Variants in ABHD5 observed in about 807,000 individuals in gnomAD.
The protein encoded by ABHD5 is abhydrolase domain containing 5, lysophosphatidic acid acyltransferase, also known as 1-acylglycerol-3-phosphate O-acyltransferase ABHD5.
A neutral mutation model predicts 44.9 loss-of-function variants in ABHD5; 30 were observed. That is an observed-to-expected ratio of 0.67 (90% CI 0.50 to 0.91). The LOEUF (loss-of-function observed/expected upper bound fraction) is 0.91. Ranked by LOEUF, ABHD5 falls within the 40% of genes least tolerant of loss-of-function variation. ABHD5 has a pLI of 0.00. For missense variants in ABHD5, 399 were observed against 423.4 expected, an observed-to-expected ratio of 0.94 and a Z score of 0.50; for synonymous variants, 167 against 147.0, an observed-to-expected ratio of 1.14 and a Z score of -0.99.
At chr3:43,702,110 T>G in intron 2 of ABHD5, 105 bp from the exon 3 acceptor site, 164 of 957,722 alleles carry the variant, frequency 1.7e-4, no homozygotes, top group Non-Finnish European at 2.1e-4. Flanking sequence ...GCTAAAATCA[T>G]GAGATTGGAT....
chr3:43,701,419 T>C (rs1200131994), intron 2 of ABHD5, among the ~76,000 whole-genome samples: 1 of 152,234 alleles, frequency 6.6e-6, no homozygotes, highest in Non-Finnish European at 1.5e-5. Flanking sequence ...TGAATATGCA[T>C]AAATAATTAA....
chr3:43,712,235 G>A (rs1434735692), intron 4 of ABHD5, among the ~76,000 whole-genome samples: 1 of 152,138 alleles, frequency 6.6e-6, no homozygotes, highest in Non-Finnish European at 1.5e-5. Flanking sequence ...CTGCTGGTGA[G>A]CACTGGAGAG....
At chr3:43,728,919 A>G (rs2084896034) in intron 7 of ABHD5, among the ~76,000 whole-genome samples, 1 of 152,152 alleles carries the variant, frequency 6.6e-6, no homozygotes, top group Non-Finnish European at 1.5e-5. Flanking sequence ...TGCACTTCCA[A>G]ATTGCTCTTT....
chr3:43,708,087 T>C (rs1389482774), intron 3 of ABHD5, among the ~76,000 whole-genome samples: 1 of 152,250 alleles, frequency 6.6e-6, no homozygotes, highest in Non-Finnish European at 1.5e-5. Flanking sequence ...AAGGATGTAC[T>C]CTGCTCACCA....
In ABHD5 at chr3:43,719,411, G is replaced by A. The variant is rs577414446; in HGVS notation, c.*879G>A. ...GGGATATTAAGACTGTTACTTCCTA[G>A]TAAGCCAAGTAATACCATATTTTTA... On this transcript the variant is annotated 3_prime_UTR_variant, in exon 7 of 7. Transcript: ENST00000644371. 147 of 152,214 alleles carry A rather than the reference G, an allele frequency of 9.7e-4. 1 individual carries two copies. The highest frequency in any genetic ancestry group is 3.4e-3 in the African/African-American group (142 of 41,538). The allele number at this position is 152,214 out of a possible 1,614,324, so 9.4% of individuals were successfully genotyped here. A position where few individuals can be genotyped will look rare whatever the true frequency, so the allele number is the denominator to read the frequency against.
Position 43,717,689 on chromosome 3 carries a change from G to A in ABHD5, c.792G>A (p.Lys264=). 1 of 1,614,168 alleles carries A rather than the reference G, an allele frequency of 6.2e-7. No homozygotes were observed. Among genetic ancestry groups the A allele is most frequent in the Non-Finnish European group, 8.5e-7 (1 of 1,180,026 alleles). ...VQTPSGETAF[K]NMTIPYGWAK... ...GTTAAAGTGGTGAGACAGCTTTCAA[G>A]AATATGACTATTCCTTATGGATGGG... The change falls in exon 6 of 7, where the codon AAG becomes AAA. Residue 264 remains lysine (K), a synonymous_variant. Transcript: ENST00000644371.
chr3:43,731,054 TC>T (rs1448753138), intron 7 of ABHD5, among the ~76,000 whole-genome samples: 4 of 151,464 alleles, frequency 2.6e-5, no homozygotes, highest in Non-Finnish European at 5.9e-5. Context: ...GGTCTCGATC[TC>T]CTGACCTCGT....
chr3:43,706,430 T>C lies in ABHD5; in HGVS notation c.506+3843T>C, dbSNP rs527658715. Among the ~76,000 whole-genome samples, 238 of 152,078 alleles carry C rather than the reference T, an allele frequency of 1.6e-3. 1 individual carries two copies. Among genetic ancestry groups the C allele is most frequent in the African/African-American group, 5.3e-3 (220 of 41,486 alleles). ...TTACACTCACTGTGCCTCTTTTGTC[T>C]CTCTCTCTTTTTTCGATAATGGACT... is the stretch of plus-strand genomic sequence containing the variant. On this transcript the variant is annotated intron_variant, in intron 3 of 6. Coordinates refer to ENST00000644371, the MANE Select transcript of ABHD5 (RefSeq NM_016006.6).
In ABHD5 at chr3:43,702,396, T is replaced by A. The variant is rs1245562155; in HGVS notation, c.315T>A (p.Tyr105Ter). 1 of 1,614,234 alleles carries A rather than the reference T, an allele frequency of 6.2e-7. No homozygotes were observed. The highest frequency in any genetic ancestry group is 2.2e-5 in the East Asian group (1 of 44,876). Residue 105 changes from tyrosine (Y) to a stop codon, truncating the protein, a stop_gained, in exon 3 of 7, where the codon TAT becomes TAA. Transcript: ENST00000644371. LOFTEE classifies it high-confidence loss of function. ...ATCTTTGCACCAACAGACCTGTCTA[T>A]GCTTTTGACCTATTGGGTTTTGGAC... ...FGDLCTNRPVYAFDLLGFGRS... is the reference protein window; with the variant it reads ...FGDLCTNRPV
At chr3:43,704,053 T>C (rs1429828734) in intron 3 of ABHD5, among the ~76,000 whole-genome samples, 3 of 146,440 alleles carry the variant, frequency 2.0e-5, no homozygotes, top group African/African-American at 7.6e-5. Context: ...TTTTTTTTTT[T>C]TTGAGCCGGA....
chr3:43,690,921 C>T (rs1356192941), upstream of ABHD5: 9 of 1,493,638 alleles, frequency 6.0e-6, no homozygotes, highest in Middle Eastern at 2.1e-4. Flanking sequence ...AAGTGCCGCG[C>T]CAGCCCGGGG....
At chr3:43,729,873 T>C (rs1445662983) in intron 7 of ABHD5, among the ~76,000 whole-genome samples, 1 of 152,052 alleles carries the variant, frequency 6.6e-6, no homozygotes, top group East Asian at 1.9e-4. Context: ...ATAAGCTATT[T>C]AGGAGTCTGT....
Position 43,714,937 on chromosome 3 carries a change from T to C in ABHD5, c.662-10T>C, listed in dbSNP as rs372889561. 5 of 1,597,274 alleles carry C rather than the reference T, an allele frequency of 3.1e-6. No individual in the cohort carries two copies. Among genetic ancestry groups the C allele is most frequent in the Non-Finnish European group, 4.3e-6 (5 of 1,165,054 alleles). On this transcript the variant is annotated splice_polypyrimidine_tract_variant and intron_variant, in intron 4 of 6. Coordinates refer to ENST00000644371, the MANE Select transcript of ABHD5 (RefSeq NM_016006.6). The stretch of plus-strand genomic sequence containing the variant: ...TAAAACATGCATTTTTTAAATTTCC[T>C]GTTAAATAGGTTTAAGTCTAGTGCA...
chr3:43,713,572 T>G (rs2084717064), intron 4 of ABHD5, among the ~76,000 whole-genome samples: 1 of 152,058 alleles, frequency 6.6e-6, no homozygotes, highest in Non-Finnish European at 1.5e-5. Context: ...GACCACACTT[T>G]ATTGCTTCAG....
intron 7 of ABHD5, among the ~76,000 whole-genome samples, chr3:43,731,747 G>A (rs531435680): frequency 3.0e-4 from 46 of 152,258 alleles, no homozygotes; most frequent in African/African-American, 8.7e-4. Context: ...CAGGAGAATC[G>A]CTTGAACCCG....
rs751016701 is a variant in ABHD5, at chr3:43,702,507, A to G, written c.426A>G (p.Leu142=). ...VESIEEWRCA[L]GLDKMILLGH... ...CCATTGAAGAGTGGAGATGTGCCCT[A>G]GGATTGGACAAAATGATCTTGCTTG... Residue 142 remains leucine (L), a synonymous_variant, in exon 3 of 7, where the codon CTA becomes CTG. Coordinates refer to ENST00000644371, the MANE Select transcript of ABHD5 (RefSeq NM_016006.6). 3 of 1,614,228 alleles carry G rather than the reference A, an allele frequency of 1.9e-6. No individual in the cohort carries two copies. Among genetic ancestry groups the G allele is most frequent in the African/African-American group, 1.3e-5 (1 of 75,066 alleles).
rs183527533 is a variant in ABHD5 at position 43,716,725 on chromosome 3, C to T, written c.774-946C>T. On this transcript the variant is annotated intron_variant, in intron 5 of 6. Transcript: ENST00000644371. The stretch of plus-strand genomic sequence containing the variant: ...TTTTTTTAGGGGTCTTCCCCGGGAA[C>T]ATCATTCATTTTCCTGCATGGCGTA... Among the ~76,000 whole-genome samples the T allele has an allele frequency of 5.5e-3, 843 of 152,246 alleles. 8 individuals are homozygous for T. Among genetic ancestry groups the T allele is most frequent in the South Asian group, 7.9e-3 (38 of 4,816 alleles).
At chr3:43,732,813 T>G (rs981920614) in intron 7 of ABHD5, among the ~76,000 whole-genome samples, 1 of 152,098 alleles carries the variant, frequency 6.6e-6, no homozygotes. Context: ...GGCTGGGGTC[T>G]CAAGGCTGGA....
At chr3:43,701,223 A>C (rs1256984372) in intron 2 of ABHD5, among the ~76,000 whole-genome samples, 1 of 152,224 alleles carries the variant, frequency 6.6e-6, no homozygotes, top group Non-Finnish European at 1.5e-5. Flanking sequence ...CTTGGCACTT[A>C]AGCCAAAGCA....
Sources: gnomAD v4.1 joint callset for allele counts (sites outside exome capture counted in the v4.1 genomes callset) on GRCh38, gnomAD v4.1.1 for gene constraint, MANE v1.5 for transcripts, NCBI Gene and HGNC (gene_info 2026-07-23, HGNC 2026-07-21) for gene names.